CAMK1D: variants seen among roughly 807,000 people sequenced by gnomAD.
The protein encoded by CAMK1D is calcium/calmodulin dependent protein kinase ID, also known as calcium/calmodulin-dependent protein kinase type 1D.
A neutral mutation model predicts 47.7 loss-of-function variants in CAMK1D; 9 were observed. That is an observed-to-expected ratio of 0.19 (90% CI 0.11 to 0.33). The LOEUF (loss-of-function observed/expected upper bound fraction) is 0.33, where lower values mean the gene tolerates loss of function less well. CAMK1D is among the 10% of genes least tolerant of loss of function. The pLI, the probability that CAMK1D is intolerant of heterozygous loss-of-function variation, is 1.00. For synonymous variants in CAMK1D, 184 were observed against 184.9 expected (o/e 0.99, Z 0.04); for missense variants, 291 against 488.7 (o/e 0.60, Z 3.81).
At chr10:12,740,040 C>T (rs1564528185) in intron 3 of CAMK1D, among the ~76,000 whole-genome samples, 1 of 152,106 alleles carries the variant, frequency 6.6e-6, no homozygotes, top group African/African-American at 2.4e-5. Flanking sequence ...AGGTAGGAAC[C>T]GAGTAGTTCC....
chr10:12,773,724 C>G (rs1475229313), intron 5 of CAMK1D, among the ~76,000 whole-genome samples: 1 of 152,074 alleles, frequency 6.6e-6, no homozygotes, highest in Non-Finnish European at 1.5e-5. Context: ...GAAACCCTGT[C>G]TCTACTAAAA....
intron 1 of CAMK1D, among the ~76,000 whole-genome samples, chr10:12,468,448 G>A (rs1377411656): frequency 6.6e-6 from 1 of 152,228 alleles, no homozygotes. Context: ...AGGGGCGGAG[G>A]TGGAACTAGA....
chr10:12,758,505 T>G (rs967373188), intron 3 of CAMK1D, among the ~76,000 whole-genome samples: 1 of 152,218 alleles, frequency 6.6e-6, no homozygotes, highest in African/African-American at 2.4e-5. Context: ...GTTTGAAATG[T>G]AAGAAGCAGA....
chr10:12,820,406 C>T (rs1031162533), intron 8 of CAMK1D, among the ~76,000 whole-genome samples: 3 of 152,250 alleles, frequency 2.0e-5, no homozygotes, highest in Admixed American at 2.0e-4. Context: ...TGCTGAAACT[C>T]TCGCTTGCCT....
At chr10:12,420,625 TTTCTAACAG>T (rs1564329032) in intron 1 of CAMK1D, among the ~76,000 whole-genome samples, 2 of 152,178 alleles carry the variant, frequency 1.3e-5, no homozygotes, top group African/African-American at 4.8e-5. Context: ...ATTCTGCATA[TTTCTAACAG>T]CCTCTGTCTT....
intron 5 of CAMK1D, among the ~76,000 whole-genome samples, chr10:12,779,821 T>C (rs1441323478): frequency 2.0e-5 from 3 of 152,194 alleles, no homozygotes; most frequent in East Asian, 1.9e-4. Context: ...ACTATTCCAT[T>C]ACGGATGTCA....
chr10:12,820,795 A>G (rs1231209084), intron 8 of CAMK1D, among the ~76,000 whole-genome samples: 2 of 151,914 alleles, frequency 1.3e-5, no homozygotes, highest in African/African-American at 4.8e-5. Context: ...CGCCCCTTTC[A>G]CTGAGCATTG....
In CAMK1D at chr10:12,475,209, C is replaced by T. The variant is rs541228073; in HGVS notation, c.93-78016C>T. On this transcript the variant is annotated intron_variant, in intron 1 of 10. Transcript: ENST00000619168. The stretch of plus-strand genomic sequence containing the variant: ...CATTCACATTATTGCGCAACCATCA[C>T]CACCATCCATGTTTTGAACTCTTCC... 5.9e-4 allele frequency among the ~76,000 whole-genome samples: 90 copies of T among 152,258 alleles called. No individual in the cohort carries two copies. The South Asian group carries it at 6.0e-3, about 10-fold the overall frequency.
At chr10:12,396,830 A>G (rs966357529) in intron 1 of CAMK1D, among the ~76,000 whole-genome samples, 1 of 152,214 alleles carries the variant, frequency 6.6e-6, no homozygotes, top group South Asian at 2.1e-4. Context: ...CTGGTGTGTC[A>G]GAGCCCTACC....
At chr10:12,561,897 A>G (rs1472952132) in intron 2 of CAMK1D, among the ~76,000 whole-genome samples, 1 of 152,204 alleles carries the variant, frequency 6.6e-6, no homozygotes, top group Non-Finnish European at 1.5e-5. Context: ...ATACTACAAA[A>G]CAAGGAATTG....
At chr10:12,595,637 C>A (rs1838127059) in intron 2 of CAMK1D, among the ~76,000 whole-genome samples, 1 of 152,070 alleles carries the variant, frequency 6.6e-6, no homozygotes, top group South Asian at 2.1e-4. Flanking sequence ...CTGTCCATAG[C>A]CCGTTCTGTC....
At chr10:12,607,458 G>A (rs887337106) in intron 2 of CAMK1D, among the ~76,000 whole-genome samples, 1 of 152,196 alleles carries the variant, frequency 6.6e-6, no homozygotes, top group African/African-American at 2.4e-5. Flanking sequence ...GTTTAGTGAG[G>A]TGTTCATTTT....
chr10:12,796,589 G>A (rs1019212967), intron 6 of CAMK1D, among the ~76,000 whole-genome samples: 1 of 152,114 alleles, frequency 6.6e-6, no homozygotes, highest in African/African-American at 2.4e-5. Flanking sequence ...TTGAGCCCAG[G>A]CATCCCCCAG....
chr10:12,710,073 G>A (rs1045614534), intron 3 of CAMK1D, among the ~76,000 whole-genome samples: 7 of 152,152 alleles, frequency 4.6e-5, no homozygotes, highest in African/African-American at 1.4e-4. Context: ...GATCATAGTT[G>A]TATTTACCTC....
chr10:12,586,738 A>G (rs892748082), intron 2 of CAMK1D, among the ~76,000 whole-genome samples: 2 of 152,140 alleles, frequency 1.3e-5, no homozygotes, highest in African/African-American at 4.8e-5. Context: ...TCATGAAAGA[A>G]AAAAAACAAC....
chr10:12,730,418 GT>G (rs1238038118), intron 3 of CAMK1D, among the ~76,000 whole-genome samples: 1 of 152,178 alleles, frequency 6.6e-6, no homozygotes, highest in Non-Finnish European at 1.5e-5. Flanking sequence ...GATGTGCTGA[GT>G]TTGAAACATC....
At chr10:12,550,800 G>A (rs1048211158) in intron 1 of CAMK1D, among the ~76,000 whole-genome samples, 1 of 152,188 alleles carries the variant, frequency 6.6e-6, no homozygotes, top group Non-Finnish European at 1.5e-5. Context: ...TCTGCCCCCT[G>A]GGCTTGTATA....
intron 2 of CAMK1D, among the ~76,000 whole-genome samples, chr10:12,635,476 G>A (rs1003329123): frequency 6.6e-6 from 1 of 152,148 alleles, no homozygotes; most frequent in Admixed American, 6.5e-5. Flanking sequence ...CTAAGCCCAC[G>A]GCGCAGTGCA....
intron 2 of CAMK1D, among the ~76,000 whole-genome samples, chr10:12,642,762 T>C (rs757682491): frequency 5.3e-5 from 8 of 152,206 alleles, no homozygotes; most frequent in Non-Finnish European, 1.0e-4. Flanking sequence ...GTAATTCTGA[T>C]TGGGTCTTGA....
Sources: gnomAD v4.1 joint callset for allele counts (sites outside exome capture counted in the v4.1 genomes callset) on GRCh38, gnomAD v4.1.1 for gene constraint, MANE v1.5 for transcripts, NCBI Gene and HGNC (gene_info 2026-07-23, HGNC 2026-07-21) for gene names.